Variants in FBXL19 observed in about 807,000 individuals in gnomAD.
FBXL19 encodes the protein F-box/LRR-repeat protein 19.
Under a neutral mutation model 71.2 loss-of-function variants are expected in FBXL19, and 16 were observed. That is an observed-to-expected ratio of 0.22 (90% CI 0.15 to 0.34). The LOEUF (loss-of-function observed/expected upper bound fraction) is 0.34, where lower values mean the gene tolerates loss of function less well. Among genes scored for constraint, FBXL19 ranks in the 10% least tolerant of loss-of-function variants. FBXL19 has a pLI of 1.00. For synonymous variants in FBXL19, 447 were observed against 409.4 expected (o/e 1.09, Z -1.11); for missense variants, 658 against 968.2 (o/e 0.68, Z 4.25).
chr16:30,927,437 C>A lies in FBXL19; in HGVS notation c.307C>A (p.Pro103Thr). 1 of 1,590,228 alleles carries A rather than the reference C, an allele frequency of 6.3e-7. No individual in the cohort carries two copies. The highest frequency in any genetic ancestry group is 8.6e-7 in the Non-Finnish European group (1 of 1,168,352). ...TACAATCTGCAACGAGATCGTCCAC[C>A]CCGGCTGCCTGAAGGTGATGGCCCT... ...ECTICNEIVH[P>T]GCLKMGKAEG... is the part of the protein sequence containing the mutation. Residue 103 changes from proline (P) to threonine (T), a missense_variant, in exon 3 of 11, where the codon CCC becomes ACC. By Grantham distance (38) the Pro-to-Thr change is conservative. Around this residue, in one of 8 missense-constraint regions of FBXL19, gnomAD observed 447 missense variants for 515.4 expected, o/e 0.87. Transcript: ENST00000338343.
At chr16:30,928,069 T>G (rs1396069702) in intron 5 of FBXL19, 106 bp downstream of exon 5, 4 of 762,950 alleles carry the variant, frequency 5.2e-6, no homozygotes, top group South Asian at 2.0e-5. Context: ...GCTCTGTGGG[T>G]TCCCCAAGGA....
In FBXL19 at chr16:30,930,260, C is replaced by A. The variant is rs772721158; in HGVS notation, c.977C>A (p.Ala326Asp). 6.2e-7 allele frequency: 1 copy of A among 1,612,778 alleles called. No individual in the cohort carries two copies. The highest frequency in any genetic ancestry group is 2.2e-5 in the East Asian group (1 of 44,884). ...GGCACATCGCTGAGTGAGGACGAAG[C>A]CCCCGGCGAGGCCCGGAATGGGCGA... ...SSGTSLSEDEAPGEARNGRRP... is the reference protein window; with the variant it reads ...SSGTSLSEDEDPGEARNGRRP... The change falls in exon 7 of 11, where the codon GCC (alanine) becomes GAC (aspartate). Residue 326 changes from alanine (A) to aspartate (D), a missense_variant. Physicochemically the swap from Ala to Asp is moderately radical, Grantham distance 126. Transcript: ENST00000338343. The surrounding 1 kb of genome is among the most constrained non-coding windows in gnomAD (Gnocchi z 8.5).
Position 30,942,003 on chromosome 16 carries a change from G to C in FBXL19, c.1302-113G>C. On this transcript the variant is annotated intron_variant, in intron 7 of 10. Transcript: ENST00000338343. The surrounding 1 kb of genome is among the most constrained non-coding windows in gnomAD (Gnocchi z 5.7). ...GTCAGGTGCTTCTTGCTACCCTGTT[G>C]TCTGTGTGGCCAGAAGAGAGCTGGG... The C allele has an allele frequency of 8.2e-7, 1 of 1,225,618 alleles. No individual in the cohort carries two copies. Among genetic ancestry groups the C allele is most frequent in the Non-Finnish European group, 1.1e-6 (1 of 922,826 alleles). The allele number at this position is 1,225,618 out of a possible 1,614,324, so 75.9% of individuals were successfully genotyped here. A position where few individuals can be genotyped will look rare whatever the true frequency, so the allele number is the denominator to read the frequency against.
chr16:30,948,354 A>G lies in FBXL19; in HGVS notation c.*1124A>G, dbSNP rs190307759. ...AATAGCAGCCAACGGACACCTCCCG[A>G]TGCCAGTGCTAAGGCTGGAAATGGC... On this transcript the variant is annotated 3_prime_UTR_variant, in exon 11 of 11. Coordinates refer to ENST00000338343, the MANE Select transcript of FBXL19 (RefSeq NM_001382779.1). 2.6e-3 allele frequency: 402 copies of G among 152,934 alleles called. 2 individuals carry two copies. Among genetic ancestry groups the G allele is most frequent in the Non-Finnish European group, 3.6e-3 (248 of 68,276 alleles). The allele number at this position is 152,934 out of a possible 1,614,324, so 9.5% of individuals were successfully genotyped here. A position where few individuals can be genotyped will look rare whatever the true frequency, so the allele number is the denominator to read the frequency against.
At chr16:30,923,282 G>A (rs943843093), upstream of FBXL19, 62 of 443,912 alleles carry the variant, frequency 1.4e-4, no homozygotes, top group African/African-American at 1.2e-3. Flanking sequence ...GCAACTGGGA[G>A]CCTCGGGGCA....
intron 7 of FBXL19, among the ~76,000 whole-genome samples, chr16:30,936,079 C>G (rs1004965480): frequency 6.6e-6 from 1 of 152,200 alleles, no homozygotes; most frequent in Non-Finnish European, 1.5e-5. Flanking sequence ...CTTGTCACAG[C>G]AACCTCTGAA....
At chr16:30,936,611 T>G (rs979541001) in intron 7 of FBXL19, among the ~76,000 whole-genome samples, 4 of 148,354 alleles carry the variant, frequency 2.7e-5, no homozygotes, top group Non-Finnish European at 4.5e-5. Context: ...CTTTTTTTTT[T>G]TTTTTTTTTG....
In FBXL19 at chr16:30,925,361, G is replaced by A. The variant is rs1176780861; in HGVS notation, c.-24-370G>A. ...GATATTCTACACTCGGATAACAGGGGAAGAGTTGGGATCTCTCCAAGCTAA... is the reference window on the plus strand; with the variant it reads ...GATATTCTACACTCGGATAACAGGGAAAGAGTTGGGATCTCTCCAAGCTAA... On this transcript the variant is annotated intron_variant, in intron 1 of 10. Transcript: ENST00000338343. This position sits in a 1 kb window ranked among gnomAD's most constrained non-coding sequence, Gnocchi z 5.0. Among the ~76,000 whole-genome samples the A allele has an allele frequency of 6.6e-6, 1 of 152,094 alleles. No individual in the cohort carries two copies. Among genetic ancestry groups the A allele is most frequent in the Non-Finnish European group, 1.5e-5 (1 of 67,996 alleles).
rs1338507619 is a variant in FBXL19 at position 30,930,855 on chromosome 16, G to A, written c.1301+271G>A. On this transcript the variant is annotated intron_variant, in intron 7 of 10. Transcript: ENST00000338343. The surrounding 1 kb of genome is among the most constrained non-coding windows in gnomAD (Gnocchi z 8.5). ...AGGCCCAAGGTCATGTGGAAGAGAA[G>A]TGGTGGTAGAACTAGGCATTGGAAC... Among the ~76,000 whole-genome samples the A allele has an allele frequency of 2.6e-5, 4 of 152,188 alleles. No homozygotes were observed.
At chr16:30,928,381 G>A (rs973635529) in intron 5 of FBXL19, 86 bp from the exon 6 acceptor site, 141 of 1,354,400 alleles carry the variant, frequency 1.0e-4, no homozygotes, top group Non-Finnish European at 1.4e-4. Flanking sequence ...TGTAGTCTAA[G>A]AGGAGGGCAT....
chr16:30,927,609 C>G lies in FBXL19; in HGVS notation c.358C>G (p.Pro120Ala). The G allele has an allele frequency of 6.4e-7, 1 of 1,563,232 alleles. No homozygotes were observed. Among genetic ancestry groups the G allele is most frequent in the Non-Finnish European group, 8.7e-7 (1 of 1,153,856 alleles). ...TGAGGGTGTCATCAATGCAGAGATC[C>G]CCAACTGCTGGGAGTGCCCTCGCTG... is the stretch of plus-strand genomic sequence containing the variant. ...KAEGVINAEIPNCWECPRCTQ... is the reference protein window; with the variant it reads ...KAEGVINAEIANCWECPRCTQ... Residue 120 changes from proline (P) to alanine (A), a missense_variant, in exon 4 of 11, where the codon CCC (proline) becomes GCC (alanine). Pro to Ala is a conservative substitution (Grantham distance 27). This residue lies in a region of FBXL19 where 447 missense variants were observed against 515.4 expected (regional missense o/e 0.87). Coordinates refer to ENST00000338343, the MANE Select transcript of FBXL19 (RefSeq NM_001382779.1).
At chr16:30,933,037 G>A (rs2055692747) in intron 7 of FBXL19, among the ~76,000 whole-genome samples, 1 of 150,924 alleles carries the variant, frequency 6.6e-6, no homozygotes, top group Non-Finnish European at 1.5e-5. Flanking sequence ...GTCTTGCTCT[G>A]TCACCCAGGC....
chr16:30,939,064 T>TTATA (rs1555487397), intron 7 of FBXL19, among the ~76,000 whole-genome samples: 2 of 151,856 alleles, frequency 1.3e-5, no homozygotes, highest in African/African-American at 2.4e-5. Context: ...CTTTTTTGTG[T>TTATA]TTTATTTATT....
rs762133687 is a variant in FBXL19 at position 30,947,250 on chromosome 16, C to T, written c.*20C>T. 2 of 1,548,338 alleles carry T rather than the reference C, an allele frequency of 1.3e-6. No homozygotes were observed. Among genetic ancestry groups the T allele is most frequent in the Non-Finnish European group, 1.7e-6 (2 of 1,151,528 alleles). On this transcript the variant is annotated 3_prime_UTR_variant, in exon 11 of 11. Transcript: ENST00000338343. ...AGCTAGTTGGGCGCCCCCCACCCTCCCCCGGACTCGACAGGAGCCTGGACC... is the reference window on the plus strand; with the variant it reads ...AGCTAGTTGGGCGCCCCCCACCCTCTCCCGGACTCGACAGGAGCCTGGACC...
chr16:30,943,773 G>A (rs1056771111), intron 9 of FBXL19, among the ~76,000 whole-genome samples: 6 of 152,114 alleles, frequency 3.9e-5, no homozygotes, highest in Non-Finnish European at 7.4e-5. Context: ...AAAGTGTTGG[G>A]ATTATAGGCG....
In FBXL19 at chr16:30,946,710, C is replaced by A; in HGVS notation, c.1628-20C>A. 6.2e-7 allele frequency: 1 copy of A among 1,605,250 alleles called. No homozygotes were observed. The highest frequency in any genetic ancestry group is 8.5e-7 in the Non-Finnish European group (1 of 1,176,658). ...GGATGGGAGTGGCCAGGAGTGCTGA[C>A]CTCTCATCTGGCTGCCCAGGGCAAA... On this transcript the variant is annotated intron_variant, in intron 9 of 10. Coordinates refer to ENST00000338343, the MANE Select transcript of FBXL19 (RefSeq NM_001382779.1). The surrounding 1 kb of genome is among the most constrained non-coding windows in gnomAD (Gnocchi z 6.7).
intron 2 of FBXL19, among the ~76,000 whole-genome samples, chr16:30,927,005 A>G (rs1353581711): frequency 6.6e-6 from 1 of 152,178 alleles, no homozygotes; most frequent in African/African-American, 2.4e-5. Flanking sequence ...CCCTGGGTCC[A>G]GCTATAACAG....
At chr16:30,945,132 G>T (rs2055844136) in intron 9 of FBXL19, among the ~76,000 whole-genome samples, 1 of 152,136 alleles carries the variant, frequency 6.6e-6, no homozygotes, top group Non-Finnish European at 1.5e-5. Flanking sequence ...AACATGTTTG[G>T]AGGGCAGCCT....
rs1039429918 is a variant in FBXL19, at chr16:30,925,678, C to G, written c.-24-53C>G. On this transcript the variant is annotated intron_variant, in intron 1 of 10. Transcript: ENST00000338343. The surrounding 1 kb of genome is among the most constrained non-coding windows in gnomAD (Gnocchi z 5.0). ...AGGTGGAGGGACCTGTCAGGGGTCT[C>G]CCAGGCCAGGGCCCCAGTGGGCCCA... 3.5e-6 allele frequency: 5 copies of G among 1,444,080 alleles called. No homozygotes were observed. The African/African-American group carries it at 7.5e-5, about 22-fold the overall frequency. 89.5% of individuals were successfully genotyped at this position (1,444,080 alleles called of 1,614,324 possible).
Sources: allele counts gnomAD v4.1 joint callset (sites outside exome capture counted in the v4.1 genomes callset), GRCh38; gene constraint gnomAD v4.1.1; regional missense constraint gnomAD v4.1.1; non-coding constraint Gnocchi (gnomAD v3.1); transcripts MANE v1.5; gene names NCBI Gene and HGNC (gene_info 2026-07-23, HGNC 2026-07-21).